LINGO2: variants seen among roughly 807,000 people sequenced by gnomAD.
The protein encoded by LINGO2 is leucine-rich repeat and immunoglobulin-like domain-containing nogo receptor-interacting protein 2.
LINGO2 carries 14 observed loss-of-function variants against 30.6 expected under a neutral mutation model. That is an observed-to-expected ratio of 0.46 (90% CI 0.30 to 0.72). The LOEUF is 0.72. Among genes scored for constraint, LINGO2 ranks in the 30% least tolerant of loss-of-function variants. LINGO2 has a pLI of 0.07. For missense variants in LINGO2, 729 were observed against 751.7 expected, an observed-to-expected ratio of 0.97 and a Z score of 0.35; for synonymous variants, 317 against 288.5, an observed-to-expected ratio of 1.10 and a Z score of -1.00.
the LINGO2 span, among the ~76,000 whole-genome samples, chr9:29,100,557 G>A: frequency 4.0e-5 from 6 of 151,380 alleles, no homozygotes; most frequent in Non-Finnish European, 7.4e-5. Context: ...TTGTGACACT[G>A]CCCTACAGCC....
intron 3 of LINGO2, among the ~76,000 whole-genome samples, chr9:28,333,924 T>G (rs2134356601): frequency 6.6e-6 from 1 of 152,302 alleles, no homozygotes. Context: ...TATACTTTTG[T>G]CAGTCTGCTG....
the LINGO2 span, chr9:27,941,031 C>T: frequency 1.2e-5 from 1 of 86,216 alleles, no homozygotes; most frequent in Non-Finnish European, 3.1e-5. Context: ...GATTTACTAG[C>T]ATAAAATAAA....
chr9:28,464,897 T>G (rs535350089), intron 2 of LINGO2, among the ~76,000 whole-genome samples: 1 of 152,318 alleles, frequency 6.6e-6, no homozygotes, highest in Admixed American at 6.5e-5. Context: ...CCTGACCAGT[T>G]TGTGGGACTC....
the LINGO2 span, among the ~76,000 whole-genome samples, chr9:29,018,098 T>C: frequency 2.3e-5 from 3 of 132,828 alleles, no homozygotes; most frequent in Admixed American, 2.1e-4. Context: ...ATTTTATATA[T>C]ATATATATAT....
chr9:28,802,729 A>G, the LINGO2 span, among the ~76,000 whole-genome samples: 3 of 152,032 alleles, frequency 2.0e-5, no homozygotes, highest in Non-Finnish European at 4.4e-5. Flanking sequence ...GTCCATTCAT[A>G]GAGTTCCAGT....
intron 2 of LINGO2, among the ~76,000 whole-genome samples, chr9:28,430,110 G>GCGCGCA (rs1823599146): frequency 6.2e-4 from 1 of 1,608 alleles, no homozygotes; most frequent in Non-Finnish European, 6.6e-3. Flanking sequence ...GCGCGCGCGC[G>GCGCGCA]TGTGTGTGTG....
At chr9:28,918,133 G>A in the LINGO2 span, among the ~76,000 whole-genome samples, 37 of 152,138 alleles carry the variant, frequency 2.4e-4, no homozygotes, top group Admixed American at 1.2e-3. Context: ...AGGCTTAATC[G>A]GACTTACAGT....
Position 28,129,627 on chromosome 9 carries a change from C to A in LINGO2, c.-86-117222G>T, listed in dbSNP as rs1387950369. On this transcript the variant is annotated intron_variant, in intron 4 of 5. Coordinates refer to ENST00000379992, the Ensembl canonical transcript of LINGO2. This position sits in a 1 kb window ranked among gnomAD's most constrained non-coding sequence, Gnocchi z 4.0. ...GTAAGTAGCTAAAACTCATCAATCACCTGAACTAAGGCAGTAAGTGGGGGA... is the reference window on the plus strand; with the variant it reads ...GTAAGTAGCTAAAACTCATCAATCAACTGAACTAAGGCAGTAAGTGGGGGA... 1 of 152,184 alleles carries A rather than the reference C, an allele frequency of 6.6e-6. No individual in the cohort carries two copies. Among genetic ancestry groups the A allele is most frequent in the African/African-American group, 2.4e-5 (1 of 41,462 alleles). 9.4% of individuals were successfully genotyped at this position (152,184 alleles called of 1,614,324 possible). A position where few individuals can be genotyped will look rare whatever the true frequency, so the allele number is the denominator to read the frequency against.
At chr9:28,551,905 T>C (rs1461212572) in intron 1 of LINGO2, among the ~76,000 whole-genome samples, 2 of 152,090 alleles carry the variant, frequency 1.3e-5, no homozygotes, top group Non-Finnish European at 2.9e-5. Flanking sequence ...GCCATATTGA[T>C]ATAAGCACTA....
chr9:28,195,386 G>A (rs1819974582), intron 4 of LINGO2, among the ~76,000 whole-genome samples: 1 of 151,092 alleles, frequency 6.6e-6, no homozygotes, highest in African/African-American at 2.4e-5. Context: ...AAGATGGTGA[G>A]CGACAAAAAG....
chr9:29,119,829 C>G, the LINGO2 span, among the ~76,000 whole-genome samples: 1 of 152,010 alleles, frequency 6.6e-6, no homozygotes, highest in Non-Finnish European at 1.5e-5. Flanking sequence ...AACTCCTGAC[C>G]TCAGGTGATC....
At chr9:28,057,591 A>G in intron 4 of LINGO2, among the ~76,000 whole-genome samples, 1 of 147,568 alleles carries the variant, frequency 6.8e-6, no homozygotes, top group Non-Finnish European at 1.5e-5. Context: ...ATATGTATAT[A>G]CATATATATA....
intron 1 of LINGO2, among the ~76,000 whole-genome samples, chr9:28,576,659 C>A (rs552210066): frequency 2.0e-5 from 3 of 151,976 alleles, no homozygotes; most frequent in Non-Finnish European, 4.4e-5. Context: ...GAAGCATTGT[C>A]ACATACATCA....
At chr9:27,976,168 T>C (rs1331559825) in intron 5 of LINGO2, among the ~76,000 whole-genome samples, 1 of 152,164 alleles carries the variant, frequency 6.6e-6, no homozygotes, top group Non-Finnish European at 1.5e-5. Flanking sequence ...AGTTAACATA[T>C]GTAAAGTGCT....
chr9:28,643,729 T>A (rs978017629), intron 1 of LINGO2, among the ~76,000 whole-genome samples: 1 of 151,412 alleles, frequency 6.6e-6, no homozygotes, highest in African/African-American at 2.4e-5. Flanking sequence ...AAAGAAACAA[T>A]CAATGCAGTA....
the LINGO2 span, among the ~76,000 whole-genome samples, chr9:29,084,879 A>G: frequency 6.6e-6 from 1 of 152,074 alleles, no homozygotes; most frequent in Non-Finnish European, 1.5e-5. Flanking sequence ...TACCTGCTCC[A>G]TAGGAAGCAC....
the LINGO2 span, among the ~76,000 whole-genome samples, chr9:28,721,336 A>G: frequency 6.6e-6 from 1 of 152,214 alleles, no homozygotes; most frequent in Admixed American, 6.6e-5. Context: ...TATAAATTGT[A>G]CTGTTATAAA....
At chr9:28,630,869 A>G (rs1251981807) in intron 1 of LINGO2, among the ~76,000 whole-genome samples, 1 of 150,270 alleles carries the variant, frequency 6.7e-6, no homozygotes, top group Non-Finnish European at 1.5e-5. Flanking sequence ...GCCTCTATTC[A>G]TAAGATCTTT....
At chr9:29,031,608 T>C in the LINGO2 span, among the ~76,000 whole-genome samples, 3 of 152,102 alleles carry the variant, frequency 2.0e-5, no homozygotes, top group Admixed American at 2.0e-4. Context: ...TTTAAATCCA[T>C]ATCTATGACA....
Sources: allele counts gnomAD v4.1 joint callset (sites outside exome capture counted in the v4.1 genomes callset), GRCh38; gene constraint gnomAD v4.1.1; non-coding constraint Gnocchi (gnomAD v3.1); transcripts MANE v1.5; gene names NCBI Gene and HGNC (gene_info 2026-07-23, HGNC 2026-07-21).